CNTNAP2: variants seen among roughly 807,000 people sequenced by gnomAD.
The protein encoded by CNTNAP2 is contactin-associated protein-like 2.
CNTNAP2 carries 98 observed loss-of-function variants against 155.2 expected under a neutral mutation model. The ratio of observed to expected loss-of-function variants is 0.63; its 90% CI spans 0.54 to 0.75. The LOEUF is 0.75. Among genes scored for constraint, CNTNAP2 ranks in the 30% least tolerant of loss-of-function variants. The pLI is 0.00. For synonymous variants in CNTNAP2, 651 were observed against 631.2 expected, an observed-to-expected ratio of 1.03 and a Z score of -0.47; for missense variants, 1,727 against 1,688.1, an observed-to-expected ratio of 1.02 and a Z score of -0.40.
chr7:148,360,290 GAGA>G lies in CNTNAP2; in HGVS notation c.3476-23350_3476-23348del, dbSNP rs928947716. On this transcript the variant is annotated intron_variant, in intron 21 of 23. Coordinates refer to ENST00000361727, the MANE Select transcript of CNTNAP2 (RefSeq NM_014141.6). ...TCTTTAGGGAAAGGAGTGGAAGAAGGAGAAGAAGAAGGAACTCAGAGGTTACCA... is the reference window on the plus strand; with the variant it reads ...TCTTTAGGGAAAGGAGTGGAAGAAGGAGAAGAAGGAACTCAGAGGTTACCA... 6.9e-3 allele frequency among the ~76,000 whole-genome samples: 1,052 copies of G among 152,292 alleles called. 8 individuals carry two copies. The highest frequency in any genetic ancestry group is 0.023 in the African/African-American group (956 of 41,546).
intron 10 of CNTNAP2, among the ~76,000 whole-genome samples, chr7:147,411,280 T>C (rs1338746586): frequency 1.3e-5 from 2 of 152,160 alleles, no homozygotes; most frequent in Admixed American, 6.5e-5. Flanking sequence ...TAAATTAAGA[T>C]GGTATTTTAA....
chr7:147,996,273 C>A (rs1354303309), intron 15 of CNTNAP2, among the ~76,000 whole-genome samples: 1 of 152,176 alleles, frequency 6.6e-6, no homozygotes, highest in East Asian at 1.9e-4. Flanking sequence ...ATTGAGTTTT[C>A]CCTAAACTTG....
chr7:146,668,253 G>A (rs1800232847), intron 1 of CNTNAP2, among the ~76,000 whole-genome samples: 1 of 151,808 alleles, frequency 6.6e-6, no homozygotes, highest in African/African-American at 2.4e-5. Context: ...TAATTATATT[G>A]ATTTAATGTA....
chr7:148,375,929 G>A (rs1454996611), intron 21 of CNTNAP2, among the ~76,000 whole-genome samples: 1 of 59,490 alleles, frequency 1.7e-5, no homozygotes, highest in African/African-American at 4.1e-5. Flanking sequence ...GAACCTGGGA[G>A]GTGGAGGTTG....
chr7:147,391,036 G>C (rs1796707291), intron 9 of CNTNAP2, among the ~76,000 whole-genome samples: 1 of 152,108 alleles, frequency 6.6e-6, no homozygotes, highest in Admixed American at 6.6e-5. Context: ...GAGAGTCCAA[G>C]AGAAAATGAA....
chr7:146,831,669 C>CAAAAAAAA (rs531970313), intron 2 of CNTNAP2, among the ~76,000 whole-genome samples: 1 of 16,806 alleles, frequency 6.0e-5, no homozygotes, highest in African/African-American at 1.7e-4. Context: ...AGCAAGACGC[C>CAAAAAAAA]AAAAAAAAAA....
chr7:147,744,435 A>G (rs1326689022), intron 13 of CNTNAP2, among the ~76,000 whole-genome samples: 2 of 152,216 alleles, frequency 1.3e-5, no homozygotes, highest in African/African-American at 4.8e-5. Flanking sequence ...TCAACTTTAT[A>G]TGCCAGTGGT....
At chr7:148,332,918 C>T (rs1286839048) in intron 21 of CNTNAP2, among the ~76,000 whole-genome samples, 1 of 152,154 alleles carries the variant, frequency 6.6e-6, no homozygotes, top group African/African-American at 2.4e-5. Context: ...GATCACAGAA[C>T]CTCCTATGAG....
At chr7:147,810,091 G>A (rs77773415) in intron 13 of CNTNAP2, among the ~76,000 whole-genome samples, 7 of 152,206 alleles carry the variant, frequency 4.6e-5, no homozygotes, top group Non-Finnish European at 8.8e-5. Flanking sequence ...GTATTTTCTT[G>A]TAAGTACTTT....
intron 3 of CNTNAP2, among the ~76,000 whole-genome samples, chr7:146,880,235 C>T (rs997202506): frequency 6.6e-6 from 1 of 151,976 alleles, no homozygotes; most frequent in East Asian, 1.9e-4. Context: ...GAAACAGGAG[C>T]CTATGGTGAT....
intron 21 of CNTNAP2, among the ~76,000 whole-genome samples, chr7:148,350,658 TTAGAGG>T (rs1167891873): frequency 1.3e-5 from 2 of 152,238 alleles, no homozygotes; most frequent in African/African-American, 2.4e-5. Context: ...TCATTAGTTA[TTAGAGG>T]GATACCAGGC....
intron 21 of CNTNAP2, among the ~76,000 whole-genome samples, chr7:148,338,370 C>T (rs1177604050): frequency 6.6e-6 from 1 of 152,138 alleles, no homozygotes; most frequent in Non-Finnish European, 1.5e-5. Flanking sequence ...ATGAAGCAGG[C>T]TCTTCCTGTT....
chr7:147,508,940 A>G (rs1288383219), intron 11 of CNTNAP2, among the ~76,000 whole-genome samples: 1 of 152,242 alleles, frequency 6.6e-6, no homozygotes, highest in African/African-American at 2.4e-5. Context: ...AAAATGGACG[A>G]ATACAAAACC....
chr7:148,105,998 A>G (rs1804209229), intron 15 of CNTNAP2, among the ~76,000 whole-genome samples: 1 of 152,206 alleles, frequency 6.6e-6, no homozygotes, highest in Non-Finnish European at 1.5e-5. Flanking sequence ...TCCAGGCAAG[A>G]GACAATGCAG....
At chr7:147,110,304 T>C (rs1800849358) in intron 5 of CNTNAP2, among the ~76,000 whole-genome samples, 3 of 152,270 alleles carry the variant, frequency 2.0e-5, no homozygotes, top group Admixed American at 6.5e-5. Flanking sequence ...AAAGTGAAGA[T>C]CTGCAAGATT....
At chr7:146,911,429 G>A (rs997923724) in intron 3 of CNTNAP2, among the ~76,000 whole-genome samples, 1 of 151,914 alleles carries the variant, frequency 6.6e-6, no homozygotes, top group Admixed American at 6.6e-5. Flanking sequence ...ATGATAGACT[G>A]GATTAAGAAA....
intron 1 of CNTNAP2, among the ~76,000 whole-genome samples, chr7:146,701,552 GTAT>G (rs1800878248): frequency 6.6e-6 from 1 of 152,006 alleles, no homozygotes; most frequent in African/African-American, 2.4e-5. Context: ...ATAGACAGGG[GTAT>G]TATTTAGAGT....
intron 1 of CNTNAP2, among the ~76,000 whole-genome samples, chr7:146,674,462 G>C (rs1800361304): frequency 6.6e-6 from 1 of 151,672 alleles, no homozygotes; most frequent in South Asian, 2.1e-4. Context: ...ATCCTAATTT[G>C]ATGGACTTTA....
At chr7:146,290,287 T>C (rs940005673) in intron 1 of CNTNAP2, among the ~76,000 whole-genome samples, 1 of 152,178 alleles carries the variant, frequency 6.6e-6, no homozygotes, top group African/African-American at 2.4e-5. Context: ...TGTCATCCAG[T>C]TGAGTTCTCC....
Sources: allele counts gnomAD v4.1 joint callset (sites outside exome capture counted in the v4.1 genomes callset), GRCh38; gene constraint gnomAD v4.1.1; transcripts MANE v1.5; gene names NCBI Gene and HGNC (gene_info 2026-07-23, HGNC 2026-07-21).